KANK1: variants seen among roughly 807,000 people sequenced by gnomAD.
The protein encoded by KANK1 is KN motif and ankyrin repeat domains 1.
Under a neutral mutation model 106.2 loss-of-function variants are expected in KANK1, and 109 were observed. The observed-to-expected ratio is 1.03, with a 90% CI of 0.88 to 1.20. The LOEUF (loss-of-function observed/expected upper bound fraction) is 1.20, where lower values mean the gene tolerates loss of function less well. KANK1 is among the 50% of genes most tolerant of loss of function. KANK1 has a pLI of 0.00. For missense variants in KANK1, 2,399 were observed against 1,710.7 expected (o/e 1.40, Z -7.10); for synonymous variants, 873 against 652.2 (o/e 1.34, Z -5.16).
At chr9:667,733 GGTTTTTTTGTTTT>G (rs1321065066) in intron 1 of KANK1, among the ~76,000 whole-genome samples, 219 of 55,620 alleles carry the variant, frequency 3.9e-3, no homozygotes, top group African/African-American at 0.011. Flanking sequence ...AATTTCCAAA[GGTTTTTTTGTTTT>G]GTTTTTTTTT....
intron 1 of KANK1, among the ~76,000 whole-genome samples, chr9:551,738 T>C (rs994094172): frequency 3.3e-5 from 5 of 152,060 alleles, no homozygotes; most frequent in African/African-American, 4.8e-5. Context: ...GGTGTTGTTA[T>C]AATGGTGATA....
At chr9:545,285 A>C (rs1029298106) in intron 1 of KANK1, among the ~76,000 whole-genome samples, 1 of 152,230 alleles carries the variant, frequency 6.6e-6, no homozygotes, top group Non-Finnish European at 1.5e-5. Flanking sequence ...TTGGGAGGGC[A>C]GATGGATGAG....
intron 1 of KANK1, among the ~76,000 whole-genome samples, chr9:591,438 A>G (rs1824852364): frequency 6.6e-6 from 1 of 151,668 alleles, no homozygotes; most frequent in Non-Finnish European, 1.5e-5. Context: ...CATTCTTGTT[A>G]TCATGGCCTG....
At chr9:620,564 G>A (rs570152391) in intron 1 of KANK1, among the ~76,000 whole-genome samples, 6 of 151,874 alleles carry the variant, frequency 4.0e-5, no homozygotes, top group African/African-American at 1.2e-4. Flanking sequence ...CACCACACCC[G>A]GCTAATTTTT....
intron 2 of KANK1, among the ~76,000 whole-genome samples, chr9:471,938 C>G (rs1041437834): frequency 1.2e-4 from 18 of 152,126 alleles, no homozygotes; most frequent in African/African-American, 4.3e-4. Flanking sequence ...TCCCCGAGCA[C>G]AAGGACAGTA....
At chr9:696,566 A>G (rs1210381657) in intron 2 of KANK1, among the ~76,000 whole-genome samples, 1 of 152,010 alleles carries the variant, frequency 6.6e-6, no homozygotes, top group Non-Finnish European at 1.5e-5. Flanking sequence ...GGTAGAGGGG[A>G]TAGAATGAGC....
chr9:744,362 G>T, intron 10 of KANK1, 129 bp from the exon 11 acceptor site: 1 of 1,089,834 alleles, frequency 9.2e-7, no homozygotes, highest in Non-Finnish European at 1.3e-6. Context: ...AAGTTTCCCA[G>T]AAGACCGAAC....
At chr9:689,123 C>G (rs1443116459) in intron 2 of KANK1, among the ~76,000 whole-genome samples, 1 of 152,104 alleles carries the variant, frequency 6.6e-6, no homozygotes, top group Admixed American at 6.5e-5. Flanking sequence ...ATGCTGATTT[C>G]AAATCTTGGA....
intron 3 of KANK1, among the ~76,000 whole-genome samples, chr9:483,352 C>G (rs2058239877): frequency 6.6e-6 from 1 of 152,052 alleles, no homozygotes; most frequent in Admixed American, 6.6e-5. Context: ...GCTTCAATCC[C>G]CAGAGATTTA....
intron 1 of KANK1, among the ~76,000 whole-genome samples, chr9:664,264 T>G (rs949954295): frequency 6.6e-6 from 1 of 152,124 alleles, no homozygotes; most frequent in Non-Finnish European, 1.5e-5. Flanking sequence ...ACTAGTCTAC[T>G]CTCTATCCTC....
At chr9:521,602 C>T (rs561573527) in intron 1 of KANK1, among the ~76,000 whole-genome samples, 3 of 139,454 alleles carry the variant, frequency 2.2e-5, no homozygotes, top group South Asian at 4.6e-4. Flanking sequence ...GAGTTTTGCT[C>T]GTCACCCAGG....
At chr9:624,659 C>G (rs1378209971) in intron 1 of KANK1, among the ~76,000 whole-genome samples, 1 of 152,004 alleles carries the variant, frequency 6.6e-6, no homozygotes, top group South Asian at 2.1e-4. Flanking sequence ...AAAAATTAGT[C>G]GGGCGTAGTC....
At chr9:509,603 C>T (rs2058939181) in intron 1 of KANK1, among the ~76,000 whole-genome samples, 1 of 152,248 alleles carries the variant, frequency 6.6e-6, no homozygotes, top group East Asian at 1.9e-4. Context: ...TAATAATCCT[C>T]TTATTAGAAA....
chr9:523,291 T>C (rs1431708618), intron 1 of KANK1, among the ~76,000 whole-genome samples: 1 of 151,628 alleles, frequency 6.6e-6, no homozygotes, highest in Non-Finnish European at 1.5e-5. Context: ...GTAATCATCT[T>C]CACTCCCCTA....
At position 525,212 on chromosome 9, in the gene KANK1, C is replaced by G. The variant is rs144220298; in HGVS notation, c.-84+20458C>G. ...GTTTTGCCATGTTGGCCAGGCTGGT[C>G]TCAAACTCCTGCCCTCAGGTAATCC... On this transcript the variant is annotated intron_variant, in intron 1 of 11. Coordinates refer to ENST00000382297, the MANE Select transcript of KANK1 (RefSeq NM_015158.5). Among the ~76,000 whole-genome samples the G allele has an allele frequency of 2.2e-3, 331 of 151,526 alleles. 12 individuals carry two copies. The highest frequency in any genetic ancestry group is 7.4e-3 in the African/African-American group (302 of 40,954).
intron 1 of KANK1, among the ~76,000 whole-genome samples, chr9:544,632 A>G (rs1328155142): frequency 2.0e-5 from 3 of 152,132 alleles, no homozygotes; most frequent in Admixed American, 6.5e-5. Context: ...TGATAGGGGA[A>G]GTACGGGCTG....
intron 3 of KANK1, among the ~76,000 whole-genome samples, chr9:725,088 A>C (rs928363258): frequency 2.6e-5 from 4 of 152,166 alleles, no homozygotes; most frequent in Non-Finnish European, 5.9e-5. Flanking sequence ...GGAATCGTCC[A>C]GGTAGCCCCC....
intron 1 of KANK1, among the ~76,000 whole-genome samples, chr9:577,360 C>T (rs561780911): frequency 6.6e-6 from 1 of 152,026 alleles, no homozygotes. Flanking sequence ...ATTTACAAAC[C>T]TTTAGCTAGA....
At chr9:594,865 A>G (rs1196168760) in intron 1 of KANK1, among the ~76,000 whole-genome samples, 15 of 151,892 alleles carry the variant, frequency 9.9e-5, no homozygotes, top group South Asian at 2.1e-4. Flanking sequence ...TTTAATGTAT[A>G]AAACAAATCC....
Sources: gnomAD v4.1 joint callset for allele counts (sites outside exome capture counted in the v4.1 genomes callset) on GRCh38, gnomAD v4.1.1 for gene constraint, MANE v1.5 for transcripts, NCBI Gene and HGNC (gene_info 2026-07-23, HGNC 2026-07-21) for gene names.